DCDC2: variants seen among roughly 807,000 people sequenced by gnomAD.
DCDC2 encodes the protein doublecortin domain-containing protein 2.
A neutral mutation model predicts 50.2 loss-of-function variants in DCDC2; 40 were observed. That is an observed-to-expected ratio of 0.80 (90% CI 0.62 to 1.04). The LOEUF is 1.04. Among genes scored for constraint, DCDC2 ranks in the 50% least tolerant of loss-of-function variants. The probability of loss-of-function intolerance (pLI) is 0.00; values close to 1 mark genes in which losing one functional copy is unlikely to be tolerated. For synonymous variants in DCDC2, 234 were observed against 210.6 expected (o/e 1.11, Z -0.96); for missense variants, 570 against 581.9 (o/e 0.98, Z 0.21).
At chr6:24,209,807 G>A (rs182266865) in intron 7 of DCDC2, among the ~76,000 whole-genome samples, 6 of 152,208 alleles carry the variant, frequency 3.9e-5, no homozygotes, top group East Asian at 1.9e-4. Flanking sequence ...ATGGGATGGC[G>A]CATCATCTCA....
rs201830443 is a variant in DCDC2, at chr6:24,178,342, A to G, written c.1314T>C (p.Ser438=). The G allele has an allele frequency of 1.5e-5, 25 of 1,613,316 alleles. No homozygotes were observed. Among genetic ancestry groups the G allele is most frequent in the Non-Finnish European group, 1.8e-5 (21 of 1,179,434 alleles). The stretch of plus-strand genomic sequence containing the variant: ...GCAATAGAAATACCTCATCTTGTCC[A>G]CTGCCAGCTCCTTGAGACTTTCTTT... ...DKERKSQGAG[S]GQDEADVDPQ... is the part of the protein sequence containing the mutation. The change falls in exon 9 of 10, where the codon AGT becomes AGC. Residue 438 remains serine (S), a synonymous_variant. Transcript: ENST00000378454.
At chr6:24,204,152 A>G (rs1581584481) in intron 8 of DCDC2, among the ~76,000 whole-genome samples, 1 of 152,316 alleles carries the variant, frequency 6.6e-6, no homozygotes, top group East Asian at 1.9e-4. Context: ...TACCTGAAGG[A>G]TAGTAAACCA....
At chr6:24,253,844 G>T (rs961308613) in intron 7 of DCDC2, among the ~76,000 whole-genome samples, 8 of 152,134 alleles carry the variant, frequency 5.3e-5, no homozygotes, top group African/African-American at 1.9e-4. Context: ...TATAAATGCT[G>T]TATACTTAGG....
chr6:24,278,504 T>C (rs1280719310), intron 6 of DCDC2, among the ~76,000 whole-genome samples: 1 of 152,204 alleles, frequency 6.6e-6, no homozygotes, highest in Non-Finnish European at 1.5e-5. Flanking sequence ...CCCTAGTTAC[T>C]AGCTCACTAG....
At chr6:24,325,969 A>G (rs1297388865) in intron 2 of DCDC2, among the ~76,000 whole-genome samples, 1 of 149,082 alleles carries the variant, frequency 6.7e-6, no homozygotes, top group Non-Finnish European at 1.5e-5. Context: ...CCCCACACCC[A>G]TGTTGAATCC....
At chr6:24,296,885 A>G (rs1759260644) in intron 4 of DCDC2, among the ~76,000 whole-genome samples, 2 of 152,232 alleles carry the variant, frequency 1.3e-5, no homozygotes, top group Non-Finnish European at 2.9e-5. Flanking sequence ...TAGTTCAATC[A>G]TTGTGGAAAG....
In DCDC2 at chr6:24,259,422, G is replaced by T. The variant is rs1376657422; in HGVS notation, c.922+18627C>A. Among the ~76,000 whole-genome samples the T allele has an allele frequency of 4.6e-5, 7 of 152,256 alleles. No homozygotes were observed. The East Asian group carries it at 1.3e-3, about 29-fold the overall frequency. On this transcript the variant is annotated intron_variant, in intron 7 of 9. Coordinates refer to ENST00000378454, the MANE Select transcript of DCDC2 (RefSeq NM_016356.5). ...TTCGCAGTCACCATTATGATTTTTA[G>T]AAGAGTGCATGGCCACTTTTAAGCT...
intron 8 of DCDC2, among the ~76,000 whole-genome samples, chr6:24,180,735 C>CCTCG (rs1208113994): frequency 1.3e-5 from 2 of 152,124 alleles, no homozygotes; most frequent in African/African-American, 4.8e-5. Flanking sequence ...CCCTGACCCC[C>CCTCG]CTTTCCAACT....
At chr6:24,199,316 C>G (rs1029750141) in intron 8 of DCDC2, among the ~76,000 whole-genome samples, 4 of 152,196 alleles carry the variant, frequency 2.6e-5, no homozygotes, top group African/African-American at 9.6e-5. Context: ...GAGGAAGGAA[C>G]AGGCAGCAAT....
At chr6:24,323,800 T>C (rs1003278755) in intron 2 of DCDC2, among the ~76,000 whole-genome samples, 2 of 152,194 alleles carry the variant, frequency 1.3e-5, no homozygotes, top group African/African-American at 4.8e-5. Flanking sequence ...CTTCTGTCAT[T>C]TGCTTACATT....
intron 1 of DCDC2, among the ~76,000 whole-genome samples, chr6:24,355,405 C>A (rs968663208): frequency 6.6e-6 from 1 of 151,628 alleles, no homozygotes; most frequent in Non-Finnish European, 1.5e-5. Flanking sequence ...TTGCTTTAGA[C>A]GGAAATATTT....
At chr6:24,356,939 G>A (rs1459231559) in intron 1 of DCDC2, 1 of 152,772 alleles carries the variant, frequency 6.5e-6, no homozygotes, top group Admixed American at 6.5e-5. Context: ...GGGGGTGGGA[G>A]CAGGGTCACA....
At chr6:24,308,897 G>C (rs1241477063) in intron 2 of DCDC2, among the ~76,000 whole-genome samples, 1 of 152,112 alleles carries the variant, frequency 6.6e-6, no homozygotes, top group African/African-American at 2.4e-5. Context: ...ACAGATAAAA[G>C]CCGAGAGAAT....
chr6:24,367,546 A>T, the DCDC2 span, among the ~76,000 whole-genome samples: 3 of 152,240 alleles, frequency 2.0e-5, no homozygotes, highest in Non-Finnish European at 4.4e-5. Context: ...TCATAATTAC[A>T]TCAGTTGACC....
At chr6:24,234,036 T>C (rs990231071) in intron 7 of DCDC2, among the ~76,000 whole-genome samples, 9 of 152,068 alleles carry the variant, frequency 5.9e-5, no homozygotes, top group South Asian at 2.1e-4. Flanking sequence ...AAAATGCAGA[T>C]AGATTATGCA....
chr6:24,215,579 G>A (rs1203962839), intron 7 of DCDC2, among the ~76,000 whole-genome samples: 1 of 152,146 alleles, frequency 6.6e-6, no homozygotes, highest in African/African-American at 2.4e-5. Flanking sequence ...AGTGAGACCA[G>A]GCAAGACTGT....
At chr6:24,182,965 T>C (rs760634101) in intron 8 of DCDC2, among the ~76,000 whole-genome samples, 3 of 152,210 alleles carry the variant, frequency 2.0e-5, no homozygotes, top group Admixed American at 6.5e-5. Flanking sequence ...TGGAGTATCA[T>C]TCAGCCTTAC....
intron 6 of DCDC2, among the ~76,000 whole-genome samples, chr6:24,288,458 C>T (rs932120507): frequency 2.6e-5 from 4 of 152,198 alleles, no homozygotes; most frequent in African/African-American, 9.6e-5. Flanking sequence ...TCAATCTTTT[C>T]AAGGAATATT....
intron 1 of DCDC2, 42 bp downstream of exon 1, chr6:24,357,416 T>A: frequency 6.4e-7 from 1 of 1,558,042 alleles, no homozygotes; most frequent in Middle Eastern, 1.7e-4. Flanking sequence ...CCCCACACTA[T>A]AGGGCACCTA....
Sources: gnomAD v4.1 joint callset for allele counts (sites outside exome capture counted in the v4.1 genomes callset) on GRCh38, gnomAD v4.1.1 for gene constraint, MANE v1.5 for transcripts, NCBI Gene and HGNC (gene_info 2026-07-23, HGNC 2026-07-21) for gene names.